UBR2: variants seen among roughly 807,000 people sequenced by gnomAD.
UBR2 encodes the protein ubiquitin protein ligase E3 component n-recognin 2.
In UBR2, 92 loss-of-function variants were observed where a neutral mutation model predicts 247.9. The ratio of observed to expected loss-of-function variants is 0.37; its 90% CI spans 0.31 to 0.44. UBR2 has a LOEUF of 0.44. Ranked by LOEUF, UBR2 falls within the 20% of genes least tolerant of loss-of-function variation. The pLI is 1.00. For missense variants in UBR2, 1,613 were observed against 2,112.6 expected (o/e 0.76, Z 4.64); for synonymous variants, 672 against 693.5 (o/e 0.97, Z 0.49).
chr6:42,589,310 T>C (rs1792505627), intron 2 of UBR2, among the ~76,000 whole-genome samples: 1 of 152,196 alleles, frequency 6.6e-6, no homozygotes, highest in Non-Finnish European at 1.5e-5. Flanking sequence ...TTTAGCCTGT[T>C]AATGTGATAG....
rs767342164 is a variant in UBR2, at chr6:42,645,505, C to T, written c.2324C>T (p.Thr775Ile). The T allele has an allele frequency of 5.0e-6, 8 of 1,613,716 alleles. No individual in the cohort carries two copies. Among genetic ancestry groups the T allele is most frequent in the Non-Finnish European group, 6.8e-6 (8 of 1,179,822 alleles). The part of the protein sequence containing the change: ...FSPGVGQVNA[T>I]DEIKREIIHQ... The stretch of plus-strand genomic sequence containing the variant: ...CCTGGAGTTGGACAGGTAAATGCTA[C>T]AGATGAAATCAAGCGAGAGATTATC... Residue 775 changes from threonine (T) to isoleucine (I), a missense_variant, in exon 21 of 47, where the codon ACA becomes ATA. Around this residue, in one of 3 missense-constraint regions of UBR2, gnomAD observed 1,524 missense variants for 1,967.3 expected, o/e 0.77. Transcript: ENST00000372901.
intron 8 of UBR2, among the ~76,000 whole-genome samples, chr6:42,614,193 A>T (rs866051539): frequency 0.28 from 19,131 of 68,936 alleles, 2,906 homozygotes; most frequent in South Asian, 0.38. Flanking sequence ...AAAAAAAAAA[A>T]AAAAAAAAAA....
chr6:42,670,949 G>T (rs1798387557), intron 36 of UBR2, among the ~76,000 whole-genome samples: 1 of 152,246 alleles, frequency 6.6e-6, no homozygotes, highest in South Asian at 2.1e-4. Flanking sequence ...ACTTTGGGAG[G>T]CCGAGGCAGG....
intron 21 of UBR2, among the ~76,000 whole-genome samples, chr6:42,646,828 G>T (rs748926939): frequency 0.012 from 1,726 of 149,978 alleles, 12 homozygotes; most frequent in East Asian, 0.027. Context: ...TATAGAGAGA[G>T]AGAGAGAGAG....
chr6:42,652,940 G>A (rs575595688), intron 25 of UBR2, among the ~76,000 whole-genome samples: 1 of 152,216 alleles, frequency 6.6e-6, no homozygotes, highest in East Asian at 1.9e-4. Flanking sequence ...TTTTATATAT[G>A]TTTCTAATCT....
rs74786258 is a variant in UBR2, at chr6:42,645,392, A to T, written c.2285-74A>T. The T allele has an allele frequency of 3.5e-4, 472 of 1,359,510 alleles. 2 individuals are homozygous for T. In the East Asian group the frequency reaches 0.01, roughly 30 times the overall value. 84.2% of individuals were successfully genotyped at this position (1,359,510 alleles called of 1,614,324 possible). A position where few individuals can be genotyped will look rare whatever the true frequency, so the allele number is the denominator to read the frequency against. On this transcript the variant is annotated intron_variant, in intron 20 of 46. Transcript: ENST00000372901. ...TTAGAGAAATATAACATGCTGCATG[A>T]ATTATAAGTATATATCACGAAAGTA...
At chr6:42,598,839 A>G (rs1337834650) in intron 4 of UBR2, among the ~76,000 whole-genome samples, 1 of 152,228 alleles carries the variant, frequency 6.6e-6, no homozygotes, top group African/African-American at 2.4e-5. Context: ...CTCTATCTAT[A>G]TATAGATGTT....
chr6:42,688,119 T>C, intron 44 of UBR2, 97 bp from the exon 45 acceptor site: 1 of 1,435,558 alleles, frequency 7.0e-7, no homozygotes, highest in Non-Finnish European at 9.8e-7. Context: ...TTGGCTTTAC[T>C]TGATATTGCA....
chr6:42,583,956 A>C (rs1241275399), intron 2 of UBR2, among the ~76,000 whole-genome samples: 1 of 147,920 alleles, frequency 6.8e-6, no homozygotes, highest in African/African-American at 2.5e-5. Flanking sequence ...ACAGATATTT[A>C]GTTGTTCCAG....
chr6:42,663,307 C>A lies in UBR2; in HGVS notation c.3586C>A (p.Arg1196Ser), dbSNP rs1346892496. ...AKEQRRQQRLRLHTSYDVENG... is the reference protein window; with the variant it reads ...AKEQRRQQRLSLHTSYDVENG... ...AGAACAGCGAAGGCAACAGAGATTACGCTTACATACGAGCTATGATGTAGA... is the reference window on the plus strand; with the variant it reads ...AGAACAGCGAAGGCAACAGAGATTAAGCTTACATACGAGCTATGATGTAGA... Residue 1196 changes from arginine (R) to serine (S), a missense_variant, in exon 32 of 47, where the codon CGC becomes AGC. Transcript: ENST00000372901. The A allele has an allele frequency of 6.2e-7, 1 of 1,613,258 alleles. No homozygotes were observed. The highest frequency in any genetic ancestry group is 1.1e-5 in the South Asian group (1 of 90,952).
At chr6:42,687,948 G>A (rs1283513635) in intron 44 of UBR2, among the ~76,000 whole-genome samples, 7 of 149,992 alleles carry the variant, frequency 4.7e-5, no homozygotes, top group Middle Eastern at 3.4e-3. Context: ...CAGTGGTACC[G>A]TTTATCTTTT....
At chr6:42,605,927 G>A in intron 6 of UBR2, 68 bp downstream of exon 6, 1 of 1,311,296 alleles carries the variant, frequency 7.6e-7, no homozygotes. Context: ...TAGGTAACTG[G>A]AGAATTGAGT....
At chr6:42,571,890 T>G (rs1311723711) in intron 1 of UBR2, among the ~76,000 whole-genome samples, 1 of 152,110 alleles carries the variant, frequency 6.6e-6, no homozygotes, top group Non-Finnish European at 1.5e-5. Flanking sequence ...GTATGCTTGT[T>G]GAGGACTCTT....
chr6:42,665,322 T>G, intron 32 of UBR2, 87 bp from the exon 33 acceptor site: 2 of 1,027,604 alleles, frequency 1.9e-6, no homozygotes, highest in Non-Finnish European at 1.4e-6. Flanking sequence ...GGAGTGTGTC[T>G]AAAATATGCC....
At chr6:42,646,667 A>C (rs149747900) in intron 21 of UBR2, among the ~76,000 whole-genome samples, 1,707 of 152,256 alleles carry the variant, frequency 0.011, 16 homozygotes, top group Non-Finnish European at 0.018. Flanking sequence ...TACAATACCC[A>C]GGACAACCCC....
At chr6:42,645,266 G>T (rs530817641) in intron 20 of UBR2, among the ~76,000 whole-genome samples, 200 bp from the exon 21 acceptor site, 2 of 152,230 alleles carry the variant, frequency 1.3e-5, no homozygotes, top group East Asian at 3.9e-4. Flanking sequence ...CCTAAAGCCT[G>T]CCCTCACGTT....
chr6:42,629,908 GT>G (rs772389088), intron 11 of UBR2, among the ~76,000 whole-genome samples: 2 of 152,076 alleles, frequency 1.3e-5, no homozygotes, highest in East Asian at 1.9e-4. Context: ...CCTGGTTTTT[GT>G]TTTGGTTTTG....
chr6:42,670,366 TAGA>T, intron 35 of UBR2, 126 bp downstream of exon 35: 1 of 1,240,090 alleles, frequency 8.1e-7, no homozygotes, highest in South Asian at 1.5e-5. Context: ...TAAAAAGACT[TAGA>T]AGCAAGAAAT....
At chr6:42,593,624 A>T (rs1366729877) in intron 3 of UBR2, among the ~76,000 whole-genome samples, 1 of 152,192 alleles carries the variant, frequency 6.6e-6, no homozygotes, top group Admixed American at 6.5e-5. Context: ...ATTCCTGAAC[A>T]TTGCAGGTGG....
Sources: allele counts gnomAD v4.1 joint callset (sites outside exome capture counted in the v4.1 genomes callset), GRCh38; gene constraint gnomAD v4.1.1; regional missense constraint gnomAD v4.1.1; transcripts MANE v1.5; gene names NCBI Gene and HGNC (gene_info 2026-07-23, HGNC 2026-07-21).